TESPA1: variants seen among roughly 807,000 people sequenced by gnomAD.
TESPA1 encodes the protein protein TESPA1.
In TESPA1, 33 loss-of-function variants were observed where a neutral mutation model predicts 57.9. The observed-to-expected ratio is 0.57, with a 90% confidence interval of 0.43 to 0.76. TESPA1 has a LOEUF of 0.76. Ranked by LOEUF, TESPA1 falls within the 30% of genes least tolerant of loss-of-function variation. The probability of loss-of-function intolerance (pLI) is 0.00; values close to 1 mark genes in which losing one functional copy is unlikely to be tolerated. For missense variants in TESPA1, 618 were observed against 632.9 expected, an observed-to-expected ratio of 0.98 and a Z score of 0.25; for synonymous variants, 227 against 228.9, an observed-to-expected ratio of 0.99 and a Z score of 0.07.
intron 4 of TESPA1, 146 bp from the exon 5 acceptor site, chr12:54,967,382 T>C (rs1447566217): frequency 1.1e-6 from 1 of 870,020 alleles, no homozygotes; most frequent in Non-Finnish European, 1.8e-6. Context: ...CCCACGTTTG[T>C]CAAATTACCA....
At chr12:54,951,555 C>T (rs1950392013) in intron 10 of TESPA1, among the ~76,000 whole-genome samples, 2 of 152,158 alleles carry the variant, frequency 1.3e-5, no homozygotes, top group African/African-American at 4.8e-5. Context: ...AAATTATTTA[C>T]CTACTTTCTT....
Position 54,950,324 on chromosome 12 carries a change from T to C in TESPA1, c.*68A>G. The C allele has an allele frequency of 4.4e-6, 2 of 456,942 alleles. No homozygotes were observed. The highest frequency in any genetic ancestry group is 3.1e-5 in the South Asian group (2 of 64,564). The allele number at this position is 456,942 out of a possible 1,614,324, so 28.3% of individuals were successfully genotyped here. On this transcript the variant is annotated 3_prime_UTR_variant, in exon 11 of 11. Transcript: ENST00000449076. ...GGGCAGTGCAGTTTCCTGCAAGAGG[T>C]GGCTTTTAGTTTCTTCTTTGAAGCC...
intron 10 of TESPA1, among the ~76,000 whole-genome samples, chr12:54,952,162 C>T (rs1273320102): frequency 1.3e-5 from 2 of 152,172 alleles, no homozygotes; most frequent in African/African-American, 4.8e-5. Flanking sequence ...CCTGAGATGG[C>T]ATGCTCTTGC....
chr12:54,973,709 C>G, intron 2 of TESPA1, 190 bp from the exon 3 acceptor site: 1 of 1,352,794 alleles, frequency 7.4e-7, no homozygotes, highest in Non-Finnish European at 9.5e-7. Flanking sequence ...TCTTCTCTCT[C>G]TCTGCTTCTT....
intron 10 of TESPA1, among the ~76,000 whole-genome samples, chr12:54,951,710 G>C (rs777274517): frequency 5.9e-4 from 90 of 152,048 alleles, no homozygotes; most frequent in Non-Finnish European, 1.0e-3. Context: ...ATATTTTATG[G>C]TAAATGTTAC....
intron 2 of TESPA1, among the ~76,000 whole-genome samples, chr12:54,974,132 C>A (rs1258066673): frequency 1.3e-5 from 2 of 152,152 alleles, no homozygotes; most frequent in Non-Finnish European, 2.9e-5. Context: ...TCATAGAGAG[C>A]CCCCAGCCTC....
rs374220442 is a variant in TESPA1 at position 54,973,477 on chromosome 12, C to T, written c.206G>A (p.Gly69Glu). ...NKIEDWLQDC[G>E]YSEEGFSEEA... ...ACCCCATTGCCTGTCCAGCACTTAC[C>T]CGCAATCCTGCAGCCAGTCTTCAAT... The change falls in exon 3 of 11, where the codon GGA becomes GAA. Residue 69 changes from glycine (G) to glutamate (E), a missense_variant and splice_region_variant. By Grantham distance (98) the Gly-to-Glu change is moderately conservative. Around this residue, in one of 3 missense-constraint regions of TESPA1, gnomAD observed 199 missense variants for 184.0 expected, o/e 1.08. Coordinates refer to ENST00000449076, the MANE Select transcript of TESPA1 (RefSeq NM_001136030.3). 4.3e-5 allele frequency: 70 copies of T among 1,613,866 alleles called. No homozygotes were observed. Among genetic ancestry groups the T allele is most frequent in the Non-Finnish European group, 5.7e-5 (67 of 1,179,880 alleles).
intron 10 of TESPA1, among the ~76,000 whole-genome samples, chr12:54,954,925 A>G (rs1051615432): frequency 6.6e-6 from 1 of 152,186 alleles, no homozygotes; most frequent in Admixed American, 6.5e-5. Flanking sequence ...CAAGATCCTG[A>G]TTTCAATTCT....
At chr12:54,974,013 C>T (rs1952010814) in intron 2 of TESPA1, 1 of 630,614 alleles carries the variant, frequency 1.6e-6, no homozygotes, top group Non-Finnish European at 2.0e-6. Context: ...AGGTGAGTGA[C>T]TTCCCAAAGG....
At chr12:54,962,235 C>T (rs745402105) in intron 9 of TESPA1, among the ~76,000 whole-genome samples, 196 bp downstream of exon 9, 3 of 152,168 alleles carry the variant, frequency 2.0e-5, no homozygotes, top group South Asian at 2.1e-4. Flanking sequence ...TCTGAAAACT[C>T]GACTGCTCTT....
intron 1 of TESPA1, among the ~76,000 whole-genome samples, chr12:54,978,660 G>C (rs1422923267): frequency 1.3e-5 from 2 of 152,292 alleles, no homozygotes; most frequent in East Asian, 3.9e-4. Context: ...CTTATACAGG[G>C]AGTCAGTCAG....
chr12:54,961,176 T>G lies in TESPA1; in HGVS notation c.1559A>C (p.Asp520Ala). ...GAGAGAGGCCCACTTACTTCACGAG[T>G]CTTTGCCAGCAAAAGTCTGGTGGTG... ...PHHHQTFAGK[D>A]S Residue 520 changes from aspartate to alanine, a missense_variant, in exon 10 of 11, where the codon GAC becomes GCC. Physicochemically the swap from Asp to Ala is moderately radical, Grantham distance 126 (BLOSUM62 -2). This residue lies in a region of TESPA1 where 409 missense variants were observed against 420.1 expected (regional missense o/e 0.97). Transcript: ENST00000449076. 6.2e-7 allele frequency: 1 copy of G among 1,612,976 alleles called. No individual in the cohort carries two copies. The highest frequency in any genetic ancestry group is 8.5e-7 in the Non-Finnish European group (1 of 1,179,748).
upstream of TESPA1, among the ~76,000 whole-genome samples, chr12:54,985,177 C>A (rs1952440407): frequency 6.6e-6 from 1 of 152,202 alleles, no homozygotes; most frequent in African/African-American, 2.4e-5. Context: ...GTGTTGATAA[C>A]TTTCATACTC....
In TESPA1 at chr12:54,966,424, G is replaced by T; in HGVS notation, c.311C>A (p.Ala104Asp). 1 of 1,613,212 alleles carries T rather than the reference G, an allele frequency of 6.2e-7. No homozygotes were observed. Among genetic ancestry groups the T allele is most frequent in the Non-Finnish European group, 8.5e-7 (1 of 1,179,592 alleles). Residue 104 changes from alanine (A) to aspartate (D), a missense_variant and splice_region_variant, in exon 6 of 11, where the codon GCC becomes GAC. Around this residue, in one of 3 missense-constraint regions of TESPA1, gnomAD observed 199 missense variants for 184.0 expected, o/e 1.08. Transcript: ENST00000449076. ...TTTGCCATTGGCGGCCAGTAGTGTG[G>T]CTGGACAAGAAACAGAGAAGCAAAG... ...FEDDLTLGAE[A>D]TLLAANGKLF...
chr12:54,962,517 G>T lies in TESPA1; in HGVS notation c.1381C>A (p.Gln461Lys). The change falls in exon 9 of 11, where the codon CAG becomes AAG. Residue 461 changes from glutamine (Q) to lysine (K), a missense_variant. Gln to Lys is a moderately conservative substitution (Grantham distance 53). This residue lies in a region of TESPA1 where 409 missense variants were observed against 420.1 expected (regional missense o/e 0.97). Transcript: ENST00000449076. ...TCTACACTCTGCTTCCATTTCTGCT[G>T]GGTGATGGACAGGTCCAAGGACTTA... ...KVKSLDLSIT[Q>K]QKWKQSVDRP... The T allele has an allele frequency of 6.2e-7, 1 of 1,613,636 alleles. No individual in the cohort carries two copies. The highest frequency in any genetic ancestry group is 8.5e-7 in the Non-Finnish European group (1 of 1,179,870).
At chr12:54,962,046 G>A (rs1247335855) in intron 9 of TESPA1, among the ~76,000 whole-genome samples, 1 of 152,184 alleles carries the variant, frequency 6.6e-6, no homozygotes, top group Admixed American at 6.5e-5. Context: ...CTGGACTTCT[G>A]GGTCTTTATG....
chr12:54,954,987 T>G (rs1316466513), intron 10 of TESPA1, among the ~76,000 whole-genome samples: 1 of 152,220 alleles, frequency 6.6e-6, no homozygotes, highest in Non-Finnish European at 1.5e-5. Flanking sequence ...TAGTTCCACT[T>G]TTTATTTTTT....
intron 7 of TESPA1, 86 bp downstream of exon 7, chr12:54,965,967 G>T: frequency 1.5e-6 from 2 of 1,312,752 alleles, no homozygotes; most frequent in Non-Finnish European, 2.1e-6. Context: ...AGATATCCCA[G>T]AAAAAACAGG....
intron 10 of TESPA1, among the ~76,000 whole-genome samples, chr12:54,957,565 G>A (rs1950809668): frequency 6.6e-6 from 1 of 152,196 alleles, no homozygotes; most frequent in African/African-American, 2.4e-5. Flanking sequence ...TAATAGAGGA[G>A]TGGATTGAGA....
Sources: allele counts gnomAD v4.1 joint callset (sites outside exome capture counted in the v4.1 genomes callset), GRCh38; gene constraint gnomAD v4.1.1; regional missense constraint gnomAD v4.1.1; transcripts MANE v1.5; gene names NCBI Gene and HGNC (gene_info 2026-07-23, HGNC 2026-07-21).